The following SLCO1A2 variants were observed in gnomAD, a reference collection of about 807,000 sequenced individuals.
SLCO1A2 encodes the protein solute carrier organic anion transporter family member 1A2.
A neutral mutation model predicts 69.0 loss-of-function variants in SLCO1A2; 67 were observed. That is an observed-to-expected ratio of 0.97 (90% CI 0.80 to 1.19). The LOEUF (loss-of-function observed/expected upper bound fraction) is 1.19, where lower values mean the gene tolerates loss of function less well. Among genes scored for constraint, SLCO1A2 ranks in the 50% most tolerant of loss-of-function variants. The pLI is 0.00. For synonymous variants in SLCO1A2, 260 were observed against 265.9 expected, an observed-to-expected ratio of 0.98 and a Z score of 0.22; for missense variants, 787 against 793.7, an observed-to-expected ratio of 0.99 and a Z score of 0.10.
upstream of SLCO1A2, among the ~76,000 whole-genome samples, chr12:21,397,573 T>C (rs1941519393): frequency 6.6e-6 from 1 of 151,964 alleles, no homozygotes; most frequent in Non-Finnish European, 1.5e-5. Flanking sequence ...AATATACATT[T>C]TTTTCAGCAC....
intron 3 of SLCO1A2, 57 bp from the exon 4 acceptor site, chr12:21,314,738 AG>A: frequency 7.9e-7 from 1 of 1,259,586 alleles, no homozygotes; most frequent in Non-Finnish European, 1.1e-6. Context: ...CTTAATTAAG[AG>A]CCTCACCCAA....
chr12:21,279,825 G>T (rs1340412358), intron 12 of SLCO1A2, among the ~76,000 whole-genome samples: 3 of 152,162 alleles, frequency 2.0e-5, no homozygotes, highest in African/African-American at 7.2e-5. Context: ...TAACTGTGAT[G>T]TATAAACTAC....
intron 2 of SLCO1A2, among the ~76,000 whole-genome samples, chr12:21,367,501 TAAG>T (rs1241968743): frequency 3.9e-5 from 6 of 151,982 alleles, no homozygotes; most frequent in African/African-American, 1.5e-4. Context: ...AAGTTGGAAA[TAAG>T]AAGGAAATAT....
chr12:21,384,056 T>G (rs952858439), intron 1 of SLCO1A2, among the ~76,000 whole-genome samples: 1 of 152,186 alleles, frequency 6.6e-6, no homozygotes, highest in African/African-American at 2.4e-5. Context: ...TTCTTGAAGA[T>G]TAGAAATAAA....
At chr12:21,312,268 A>T (rs573704435) in intron 4 of SLCO1A2, among the ~76,000 whole-genome samples, 1 of 152,210 alleles carries the variant, frequency 6.6e-6, no homozygotes. Context: ...CTTAAACCTC[A>T]TGAACCCACC....
At chr12:21,323,235 C>A (rs1263732510) in intron 2 of SLCO1A2, among the ~76,000 whole-genome samples, 1 of 152,180 alleles carries the variant, frequency 6.6e-6, no homozygotes, top group Admixed American at 6.5e-5. Context: ...CTACACAAAA[C>A]ATAAGCATTG....
At chr12:21,289,448 T>C (rs1377418218) in intron 12 of SLCO1A2, among the ~76,000 whole-genome samples, 2 of 151,998 alleles carry the variant, frequency 1.3e-5, no homozygotes, top group South Asian at 2.1e-4. Flanking sequence ...ATTAGAAGAT[T>C]GGAATTCTCA....
At chr12:21,373,450 C>G (rs1939949740) in intron 2 of SLCO1A2, 2 of 1,559,600 alleles carry the variant, frequency 1.3e-6, no homozygotes, top group Middle Eastern at 1.7e-4. Context: ...CTTTAAAATC[C>G]TGTTTCTTTG....
intron 1 of SLCO1A2, among the ~76,000 whole-genome samples, chr12:21,406,186 CTG>C (rs751175691): frequency 2.0e-5 from 3 of 151,866 alleles, no homozygotes; most frequent in East Asian, 1.9e-4. Context: ...GTCTGTGTGT[CTG>C]TGTGTGTGTG....
chr12:21,357,601 G>A (rs1450938803), intron 2 of SLCO1A2, among the ~76,000 whole-genome samples: 1 of 152,184 alleles, frequency 6.6e-6, no homozygotes, highest in Non-Finnish European at 1.5e-5. Context: ...TAAGGATTTA[G>A]CGTCCAATAG....
chr12:21,338,570 G>T (rs1237636449), upstream of SLCO1A2, among the ~76,000 whole-genome samples: 1 of 151,836 alleles, frequency 6.6e-6, no homozygotes, highest in African/African-American at 2.4e-5. Flanking sequence ...CTACACTGAG[G>T]TCTCTTTTCT....
At chr12:21,382,076 C>T (rs1940621367) in intron 1 of SLCO1A2, among the ~76,000 whole-genome samples, 1 of 152,262 alleles carries the variant, frequency 6.6e-6, no homozygotes, top group Non-Finnish European at 1.5e-5. Flanking sequence ...TGAAGCCAAC[C>T]TAAGTGCCCA....
At chr12:21,382,113 A>T (rs1940623197) in intron 1 of SLCO1A2, among the ~76,000 whole-genome samples, 1 of 152,182 alleles carries the variant, frequency 6.6e-6, no homozygotes, top group Non-Finnish European at 1.5e-5. Context: ...TAAAGAAAAT[A>T]TGGTATTTAC....
At chr12:21,334,771 G>T in intron 1 of SLCO1A2, 56 bp downstream of exon 1, 1 of 716,602 alleles carries the variant, frequency 1.4e-6, no homozygotes. Context: ...TCATTCTTTT[G>T]AAGTAAGTGC....
chr12:21,413,670 T>C (rs1941947903), intron 1 of SLCO1A2, among the ~76,000 whole-genome samples: 1 of 152,038 alleles, frequency 6.6e-6, no homozygotes, highest in Non-Finnish European at 1.5e-5. Flanking sequence ...ACATCAAAGC[T>C]AGAAATGAAA....
At chr12:21,290,651 A>G (rs1402221514) in intron 12 of SLCO1A2, among the ~76,000 whole-genome samples, 3 of 152,314 alleles carry the variant, frequency 2.0e-5, no homozygotes, top group African/African-American at 7.2e-5. Context: ...ATATAAAAAT[A>G]GATTTGAGAT....
chr12:21,283,644 A>G (rs1945212537), intron 12 of SLCO1A2, among the ~76,000 whole-genome samples: 1 of 152,192 alleles, frequency 6.6e-6, no homozygotes, highest in Non-Finnish European at 1.5e-5. Context: ...TCACAGAATG[A>G]GAGAAATTAT....
At chr12:21,378,472 C>T (rs1940372238) in intron 1 of SLCO1A2, 1 of 1,496,944 alleles carries the variant, frequency 6.7e-7, no homozygotes, top group Non-Finnish European at 9.3e-7. Flanking sequence ...CTAGTGATTT[C>T]CTGTATAATT....
At chr12:21,397,029 C>G (rs1941492373), upstream of SLCO1A2, among the ~76,000 whole-genome samples, 1 of 151,460 alleles carries the variant, frequency 6.6e-6, no homozygotes, top group Admixed American at 6.6e-5. Flanking sequence ...ACAATATTAA[C>G]TTTAAATGTA....
Sources: allele counts gnomAD v4.1 joint callset (sites outside exome capture counted in the v4.1 genomes callset), GRCh38; gene constraint gnomAD v4.1.1; transcripts MANE v1.5; gene names NCBI Gene and HGNC (gene_info 2026-07-23, HGNC 2026-07-21).